CUBN: variants seen among roughly 807,000 people sequenced by gnomAD.
The protein encoded by CUBN is 460 kDa receptor.
CUBN carries 282 observed loss-of-function variants against 405.3 expected under a neutral mutation model. The observed-to-expected ratio is 0.70, with a 90% CI of 0.63 to 0.77. The LOEUF is 0.77. Ranked by LOEUF, CUBN falls within the 30% of genes least tolerant of loss-of-function variation. The pLI, the probability that CUBN is intolerant of heterozygous loss-of-function variation, is 0.00. For missense variants in CUBN, 4,514 were observed against 4,475.2 expected, an observed-to-expected ratio of 1.01 and a Z score of -0.25; for synonymous variants, 1,684 against 1,617.0, an observed-to-expected ratio of 1.04 and a Z score of -0.99.
chr10:16,880,458 G>A (rs991618660), intron 56 of CUBN, among the ~76,000 whole-genome samples: 37 of 152,190 alleles, frequency 2.4e-4, no homozygotes, highest in South Asian at 6.2e-4. Context: ...CCAGGCTGCC[G>A]TAAGGGAAAA....
intron 14 of CUBN, among the ~76,000 whole-genome samples, chr10:17,098,067 A>C (rs1187824310): frequency 1.3e-5 from 2 of 152,164 alleles, no homozygotes; most frequent in Admixed American, 6.6e-5. Flanking sequence ...GCTCTGAGAG[A>C]AGCCAATTGC....
At chr10:17,090,470 A>T (rs1371365361) in intron 14 of CUBN, among the ~76,000 whole-genome samples, 2 of 152,084 alleles carry the variant, frequency 1.3e-5, no homozygotes, top group East Asian at 3.8e-4. Context: ...GGAACTATAA[A>T]TATATTTTAC....
chr10:16,990,613 A>C, intron 28 of CUBN, 98 bp from the exon 29 acceptor site: 1 of 967,204 alleles, frequency 1.0e-6, no homozygotes, highest in Non-Finnish European at 1.6e-6. Context: ...AAAATATACA[A>C]TGCTTAATTT....
At chr10:16,974,946 T>A (rs1177180544) in intron 31 of CUBN, among the ~76,000 whole-genome samples, 1 of 152,364 alleles carries the variant, frequency 6.6e-6, no homozygotes, top group East Asian at 1.9e-4. Flanking sequence ...ATGTAATATA[T>A]AAAACATATA....
In CUBN at chr10:17,032,957, G is replaced by A. The variant is rs75441611; in HGVS notation, c.4017+8076C>T. On this transcript the variant is annotated intron_variant, in intron 27 of 66. Coordinates refer to ENST00000377833, the MANE Select transcript of CUBN (RefSeq NM_001081.4). Reference sequence around the variant, plus strand: ...CCTCCTAAGTGCTCTGAAATCATTCGATCTCATGCTTCCTCCCCAGCAATG... The same window carrying A: ...CCTCCTAAGTGCTCTGAAATCATTCAATCTCATGCTTCCTCCCCAGCAATG... Among the ~76,000 whole-genome samples, 1,148 of 152,096 alleles carry A rather than the reference G, an allele frequency of 7.5e-3. 12 individuals carry two copies. The highest frequency in any genetic ancestry group is 0.021 in the South Asian group (100 of 4,812).
intron 45 of CUBN, among the ~76,000 whole-genome samples, chr10:16,918,289 C>G (rs1444144674): frequency 6.6e-6 from 1 of 151,912 alleles, no homozygotes; most frequent in Non-Finnish European, 1.5e-5. Context: ...TTTTTGGGGT[C>G]CATATGAGTT....
chr10:16,915,827 T>C lies in CUBN; in HGVS notation c.7204A>G (p.Thr2402Ala). ...KDFVEIWDNH[T>A]SGNILGRYCG... ...GCAGATATATTTTACTAACCAGAGG[T>C]ATGATTGTCCCAGATCTCCACGAAG... Residue 2402 changes from threonine to alanine, a missense_variant, in exon 46 of 67, where the codon ACC becomes GCC. Coordinates refer to ENST00000377833, the MANE Select transcript of CUBN (RefSeq NM_001081.4). The C allele has an allele frequency of 1.2e-6, 2 of 1,611,808 alleles. No individual in the cohort carries two copies. The highest frequency in any genetic ancestry group is 1.7e-6 in the Non-Finnish European group (2 of 1,179,076).
At chr10:17,129,295 A>C (rs756561178) in intron 1 of CUBN, 45 bp from the exon 2 acceptor site, 14 of 1,601,842 alleles carry the variant, frequency 8.7e-6, no homozygotes, top group African/African-American at 2.7e-5. Flanking sequence ...TAGCAAGTAC[A>C]ATTTTTAAAC....
chr10:16,842,934 G>C (rs776002249), intron 60 of CUBN, among the ~76,000 whole-genome samples: 4 of 152,156 alleles, frequency 2.6e-5, no homozygotes, highest in African/African-American at 4.8e-5. Context: ...CACAGCTAAG[G>C]ACTCCCTGTC....
At chr10:17,072,004 A>C in intron 17 of CUBN, 33 bp from the exon 18 acceptor site, 1 of 1,579,300 alleles carries the variant, frequency 6.3e-7, no homozygotes, top group Non-Finnish European at 8.7e-7. Context: ...GATGTAATTC[A>C]AATAAAGAAA....
intron 14 of CUBN, 110 bp from the exon 15 acceptor site, chr10:17,088,455 C>A: frequency 1.3e-6 from 1 of 764,176 alleles, no homozygotes; most frequent in Non-Finnish European, 2.2e-6. Flanking sequence ...TAACTATGAG[C>A]AGTTTTAGAC....
At chr10:17,126,874 A>G in intron 3 of CUBN, 75 bp from the exon 4 acceptor site, 3 of 1,450,918 alleles carry the variant, frequency 2.1e-6, no homozygotes, top group Non-Finnish European at 2.9e-6. Flanking sequence ...TCCTTGACAT[A>G]TTGTCCTAAT....
At chr10:17,103,061 ACACATACT>A in intron 13 of CUBN, 56 bp downstream of exon 13, 1 of 894,924 alleles carries the variant, frequency 1.1e-6, no homozygotes, top group South Asian at 1.4e-5. Flanking sequence ...AATAAAATAT[ACACATACT>A]CCATATTTAT....
At chr10:16,840,596 CTT>C (rs1364813823) in intron 61 of CUBN, 61 bp from the exon 62 acceptor site, 5 of 1,366,676 alleles carry the variant, frequency 3.7e-6, no homozygotes, top group Non-Finnish European at 5.1e-6. Flanking sequence ...CTCAGGCAAT[CTT>C]TGCAATTCTG....
chr10:16,832,829 A>T (rs1839049694), intron 64 of CUBN, among the ~76,000 whole-genome samples: 1 of 152,138 alleles, frequency 6.6e-6, no homozygotes, highest in Admixed American at 6.5e-5. Flanking sequence ...CAGAATTCTC[A>T]GTCAGACATT....
intron 27 of CUBN, among the ~76,000 whole-genome samples, chr10:17,026,461 G>T (rs1564485934): frequency 1.3e-5 from 2 of 151,930 alleles, no homozygotes; most frequent in Non-Finnish European, 2.9e-5. Context: ...GCAAAACCCT[G>T]TCTCTACTAA....
Position 16,824,970 on chromosome 10 carries a change from C to G in CUBN, c.*5G>C, listed in dbSNP as rs1320868506. On this transcript the variant is annotated 3_prime_UTR_variant, in exon 67 of 67. Coordinates refer to ENST00000377833, the MANE Select transcript of CUBN (RefSeq NM_001081.4). The stretch of plus-strand genomic sequence containing the variant: ...AGTGCTGAGTGAACACGAGTTGTTA[C>G]CCACTTAGCTGTCCCAAGTTAATCG... 6.2e-7 allele frequency: 1 copy of G among 1,606,674 alleles called. No individual in the cohort carries two copies. The highest frequency in any genetic ancestry group is 2.2e-5 in the East Asian group (1 of 44,832).
At chr10:16,920,190 CAATGGCCACA>C in intron 43 of CUBN, 53 bp from the exon 44 acceptor site, 1 of 1,549,500 alleles carries the variant, frequency 6.5e-7, no homozygotes, top group Non-Finnish European at 8.9e-7. Flanking sequence ...GGGATGCAGT[CAATGGCCACA>C]AATCATCTTT....
chr10:16,997,780 C>A (rs569534993), intron 28 of CUBN, among the ~76,000 whole-genome samples: 69 of 152,178 alleles, frequency 4.5e-4, no homozygotes, highest in Non-Finnish European at 8.1e-4. Context: ...GTCAGTAATT[C>A]CTGGTTTGAT....
Sources: allele counts gnomAD v4.1 joint callset (sites outside exome capture counted in the v4.1 genomes callset), GRCh38; gene constraint gnomAD v4.1.1; transcripts MANE v1.5; gene names NCBI Gene and HGNC (gene_info 2026-07-23, HGNC 2026-07-21).